Variants in FREM2 observed in about 807,000 individuals in gnomAD.
The protein encoded by FREM2 is FRAS1 related extracellular matrix 2, also known as FRAS1-related extracellular matrix protein 2.
A neutral mutation model predicts 219.9 loss-of-function variants in FREM2; 119 were observed. That is an observed-to-expected ratio of 0.54 (90% CI 0.47 to 0.63). The LOEUF is 0.63. Ranked by LOEUF, FREM2 falls within the 30% of genes least tolerant of loss-of-function variation. The pLI is 0.00. For synonymous variants in FREM2, 1,562 were observed against 1,522.8 expected, an observed-to-expected ratio of 1.03 and a Z score of -0.60; for missense variants, 4,030 against 3,993.6, an observed-to-expected ratio of 1.01 and a Z score of -0.25.
intron 6 of FREM2, among the ~76,000 whole-genome samples, chr13:38,809,799 A>T (rs376945210): frequency 2.4e-4 from 36 of 152,000 alleles, no homozygotes; most frequent in Non-Finnish European, 5.2e-4. Flanking sequence ...CTCAGGAAAG[A>T]TTTAGCTATT....
At chr13:38,750,068 T>C (rs2137792285) in intron 2 of FREM2, among the ~76,000 whole-genome samples, 1 of 152,318 alleles carries the variant, frequency 6.6e-6, no homozygotes, top group African/African-American at 2.4e-5. Context: ...TAGTATGCAT[T>C]TGGATTTTGG....
intron 6 of FREM2, among the ~76,000 whole-genome samples, chr13:38,818,637 G>T (rs987631519): frequency 2.0e-5 from 3 of 152,054 alleles, no homozygotes; most frequent in Non-Finnish European, 2.9e-5. Context: ...GCACAGTAGT[G>T]TGACTATGGT....
At chr13:38,861,234 C>T (rs1344259103) in intron 14 of FREM2, among the ~76,000 whole-genome samples, 197 bp from the exon 15 acceptor site, 3 of 152,208 alleles carry the variant, frequency 2.0e-5, no homozygotes, top group African/African-American at 7.2e-5. Context: ...CAAGTGGCCA[C>T]TAACTGTCTG....
intron 2 of FREM2, among the ~76,000 whole-genome samples, chr13:38,718,395 C>A (rs374761286): frequency 6.6e-6 from 1 of 152,174 alleles, no homozygotes. Flanking sequence ...CAGGTGAAAT[C>A]GAGCTGCATT....
chr13:38,726,364 T>G (rs1436640800), intron 2 of FREM2, among the ~76,000 whole-genome samples: 1 of 152,188 alleles, frequency 6.6e-6, no homozygotes, highest in Admixed American at 6.6e-5. Context: ...CTGGATCGGA[T>G]AGTTTGCCTA....
chr13:38,871,165 A>T (rs975160932), intron 16 of FREM2, among the ~76,000 whole-genome samples: 3 of 152,190 alleles, frequency 2.0e-5, no homozygotes, highest in African/African-American at 7.2e-5. Flanking sequence ...ACTATACTAT[A>T]CAGCTAAGAA....
intron 4 of FREM2, among the ~76,000 whole-genome samples, chr13:38,780,710 AGCCTCCAGTG>A (rs1264422222): frequency 6.6e-6 from 1 of 152,194 alleles, no homozygotes; most frequent in Non-Finnish European, 1.5e-5. Context: ...TTTGGCAATC[AGCCTCCAGTG>A]GTCAGGATCT....
intron 2 of FREM2, among the ~76,000 whole-genome samples, chr13:38,725,460 G>A (rs1292928355): frequency 6.6e-6 from 1 of 152,188 alleles, no homozygotes; most frequent in East Asian, 1.9e-4. Context: ...GTCAAAGAAA[G>A]CGCCAGTTAT....
At chr13:38,843,290 C>G (rs753458729) in intron 6 of FREM2, among the ~76,000 whole-genome samples, 3 of 152,116 alleles carry the variant, frequency 2.0e-5, no homozygotes, top group Non-Finnish European at 4.4e-5. Context: ...AAACATGGTA[C>G]AAGGCACAGT....
In FREM2 at chr13:38,878,843, C is replaced by T; in HGVS notation, c.8872C>T (p.Pro2958Ser). 6.2e-7 allele frequency: 1 copy of T among 1,614,128 alleles called. No individual in the cohort carries two copies. The highest frequency in any genetic ancestry group is 8.5e-7 in the Non-Finnish European group (1 of 1,179,986). Residue 2958 changes from proline to serine, a missense_variant, in exon 23 of 24, where the codon CCA (proline) becomes TCA (serine). Pro to Ser is a moderately conservative substitution (Grantham distance 74, BLOSUM62 -1). Transcript: ENST00000280481. ...YRFKIVDKAQPETQATSFGNV... is the reference protein window; with the variant it reads ...YRFKIVDKAQSETQATSFGNV... Reference sequence around the variant, plus strand: ...TTACTGCTTAAAGGACAAAGCTCAGCCAGAGACACAAGCGACCAGTTTTGG... The same window carrying T: ...TTACTGCTTAAAGGACAAAGCTCAGTCAGAGACACAAGCGACCAGTTTTGG...
intron 6 of FREM2, among the ~76,000 whole-genome samples, chr13:38,832,362 AT>A (rs1845136107): frequency 2.0e-5 from 3 of 152,040 alleles, no homozygotes; most frequent in Non-Finnish European, 1.5e-5. Flanking sequence ...GTTCATCAAC[AT>A]TTTTTTCTTC....
intron 6 of FREM2, among the ~76,000 whole-genome samples, chr13:38,792,772 AT>A (rs34613547): frequency 0.58 from 88,723 of 151,734 alleles, 26,424 homozygotes; most frequent in Non-Finnish European, 0.64. Context: ...TTGATTTGGG[AT>A]TTTTTTTTAA....
In FREM2 at chr13:38,876,354, C is replaced by T; in HGVS notation, c.8516C>T (p.Thr2839Ile). The part of the protein sequence containing the change: ...PVTCNPREPV[T>I]FDLDIRFQQV... The stretch of plus-strand genomic sequence containing the variant: ...ACCTGCAACCCCAGAGAACCTGTCA[C>T]CTTTGACCTTGACATCCGATTCCAA... The change falls in exon 20 of 24, where the codon ACC becomes ATC. Residue 2839 changes from threonine to isoleucine, a missense_variant. This residue lies in a region of FREM2 where 928 missense variants were observed against 1,042.9 expected (regional missense o/e 0.89). Coordinates refer to ENST00000280481, the MANE Select transcript of FREM2 (RefSeq NM_207361.6). 1 of 1,613,872 alleles carries T rather than the reference C, an allele frequency of 6.2e-7. No homozygotes were observed.
intron 2 of FREM2, among the ~76,000 whole-genome samples, chr13:38,723,047 A>C (rs1389686839): frequency 6.6e-6 from 1 of 151,970 alleles, no homozygotes; most frequent in Non-Finnish European, 1.5e-5. Flanking sequence ...CCTGGTCAAC[A>C]TGGTGAAACC....
At chr13:38,719,203 A>G (rs1415144278) in intron 2 of FREM2, among the ~76,000 whole-genome samples, 1 of 152,134 alleles carries the variant, frequency 6.6e-6, no homozygotes, top group African/African-American at 2.4e-5. Flanking sequence ...TCCAGCTTCA[A>G]AGCCAGCAGC....
In FREM2 at chr13:38,880,805, C is replaced by A; in HGVS notation, c.*18C>A. On this transcript the variant is annotated 3_prime_UTR_variant, in exon 24 of 24. Coordinates refer to ENST00000280481, the MANE Select transcript of FREM2 (RefSeq NM_207361.6). ...AAGTTTGATGACTGCAGGTAGAATT[C>A]AACCTTTTCCGTAAGTGCCTCGGAA... The A allele has an allele frequency of 6.2e-7, 1 of 1,613,812 alleles. No individual in the cohort carries two copies. The highest frequency in any genetic ancestry group is 8.5e-7 in the Non-Finnish European group (1 of 1,179,926).
rs766061306 is a variant in FREM2, at chr13:38,806,514, CAGTATGCAATAGTCTATTA to C, written c.6019+21720_6019+21738del. Among the ~76,000 whole-genome samples the C allele has an allele frequency of 1.4e-3, 217 of 152,054 alleles. 4 individuals carry two copies. The highest frequency in any genetic ancestry group is 5.9e-4 in the Non-Finnish European group (40 of 67,996). Reference sequence around the variant, plus strand: ...CCCCGGCATGTAAAACTTATGCTTACAGTATGCAATAGTCTATTAAGTATGCAATAGTATTGTGTCTAAA... The same window carrying C: ...CCCCGGCATGTAAAACTTATGCTTACAGTATGCAATAGTATTGTGTCTAAA... On this transcript the variant is annotated intron_variant, in intron 6 of 23. Transcript: ENST00000280481.
intron 6 of FREM2, 53 bp from the exon 7 acceptor site, chr13:38,846,520 T>C: frequency 6.3e-7 from 1 of 1,576,408 alleles, no homozygotes; most frequent in Admixed American, 1.7e-5. Context: ...TCAATAGAGT[T>C]TGATGTGAAA....
intron 2 of FREM2, among the ~76,000 whole-genome samples, chr13:38,709,026 C>T (rs1456870282): frequency 6.6e-6 from 1 of 152,172 alleles, no homozygotes; most frequent in Non-Finnish European, 1.5e-5. Context: ...TCCCAAAGTG[C>T]TGGGATTATA....
Sources: gnomAD v4.1 joint callset for allele counts (sites outside exome capture counted in the v4.1 genomes callset) on GRCh38, gnomAD v4.1.1 for gene constraint, gnomAD v4.1.1 regional missense constraint, MANE v1.5 for transcripts, NCBI Gene and HGNC (gene_info 2026-07-23, HGNC 2026-07-21) for gene names.